The following SPAG16 variants were observed in gnomAD, a reference collection of about 807,000 sequenced individuals.
The protein encoded by SPAG16 is sperm associated antigen 16, also known as sperm-associated antigen 16 protein.
A neutral mutation model predicts 80.4 loss-of-function variants in SPAG16; 86 were observed. The ratio of observed to expected loss-of-function variants is 1.07; its 90% CI spans 0.90 to 1.28. The LOEUF (loss-of-function observed/expected upper bound fraction) is 1.28, where lower values mean the gene tolerates loss of function less well. Ranked by LOEUF, SPAG16 falls within the 50% of genes most tolerant of loss-of-function variation. SPAG16 has a pLI of 0.00. For missense variants in SPAG16, 870 were observed against 765.3 expected, an observed-to-expected ratio of 1.14 and a Z score of -1.61; for synonymous variants, 294 against 265.9, an observed-to-expected ratio of 1.11 and a Z score of -1.03.
chr2:213,661,073 A>G lies in SPAG16; in HGVS notation c.1070+170983A>G, dbSNP rs115066952. Among the ~76,000 whole-genome samples the G allele has an allele frequency of 7.6e-3, 1,154 of 152,284 alleles. 10 individuals carry two copies. The highest frequency in any genetic ancestry group is 0.01 in the Non-Finnish European group (696 of 68,016). Reference sequence around the variant, plus strand: ...TGGTGTTGGGTCTGGTCACTCCAACATATAGGTAGCCTTGGTCCATGGTGG... The same window carrying G: ...TGGTGTTGGGTCTGGTCACTCCAACGTATAGGTAGCCTTGGTCCATGGTGG... On this transcript the variant is annotated intron_variant, in intron 10 of 15. Transcript: ENST00000331683.
chr2:214,084,304 A>G (rs2051573590), intron 13 of SPAG16, among the ~76,000 whole-genome samples: 1 of 152,136 alleles, frequency 6.6e-6, no homozygotes, highest in Non-Finnish European at 1.5e-5. Context: ...GTCATAACAA[A>G]CAAAGCCAGG....
intron 10 of SPAG16, among the ~76,000 whole-genome samples, chr2:213,521,470 T>TC (rs1446020731): frequency 6.6e-6 from 1 of 152,168 alleles, no homozygotes; most frequent in Non-Finnish European, 1.5e-5. Flanking sequence ...AGAGCCTATC[T>TC]CCCCTGAGAG....
chr2:213,943,259 A>G (rs1457308593), intron 12 of SPAG16, among the ~76,000 whole-genome samples: 3 of 152,196 alleles, frequency 2.0e-5, no homozygotes, highest in African/African-American at 7.2e-5. Flanking sequence ...CTTTGGAAGT[A>G]GGTAATGGGT....
chr2:213,681,622 T>C (rs1401874662), intron 10 of SPAG16, among the ~76,000 whole-genome samples: 2 of 152,100 alleles, frequency 1.3e-5, no homozygotes, highest in Non-Finnish European at 2.9e-5. Context: ...CTAAAATAGA[T>C]GTGGAGACAC....
intron 10 of SPAG16, among the ~76,000 whole-genome samples, chr2:213,704,625 A>C (rs549769867): frequency 6.6e-6 from 1 of 151,980 alleles, no homozygotes; most frequent in Non-Finnish European, 1.5e-5. Context: ...TAAAAAAAAA[A>C]CCCTGAATAA....
intron 15 of SPAG16, among the ~76,000 whole-genome samples, chr2:214,354,086 T>A (rs1698602129): frequency 6.7e-6 from 1 of 150,142 alleles, no homozygotes; most frequent in African/African-American, 2.4e-5. Context: ...ACCCCATAAA[T>A]ATATATATGT....
chr2:213,824,567 TTTCTGC>T (rs1317714019), intron 10 of SPAG16, among the ~76,000 whole-genome samples: 3 of 152,212 alleles, frequency 2.0e-5, no homozygotes, highest in Non-Finnish European at 4.4e-5. Context: ...TATGTATTTG[TTTCTGC>T]ATTCTCTATT....
chr2:213,527,448 A>G (rs2075928226), intron 10 of SPAG16, among the ~76,000 whole-genome samples: 1 of 151,940 alleles, frequency 6.6e-6, no homozygotes, highest in Non-Finnish European at 1.5e-5. Flanking sequence ...CCTTATTGTC[A>G]TTTTAGCTGA....
At chr2:214,022,144 T>C (rs2047903044) in intron 13 of SPAG16, among the ~76,000 whole-genome samples, 2 of 152,166 alleles carry the variant, frequency 1.3e-5, no homozygotes, top group African/African-American at 4.8e-5. Context: ...GACATTTTTT[T>C]CTCCATAAAA....
chr2:214,294,160 G>A (rs915649957), intron 15 of SPAG16, among the ~76,000 whole-genome samples: 4 of 152,192 alleles, frequency 2.6e-5, no homozygotes, highest in Admixed American at 6.5e-5. Context: ...TCTCTTAAGC[G>A]GTGCCTCTGC....
At chr2:213,645,566 A>G (rs550951091) in intron 10 of SPAG16, among the ~76,000 whole-genome samples, 32 of 152,152 alleles carry the variant, frequency 2.1e-4, no homozygotes, top group Non-Finnish European at 4.3e-4. Context: ...TAGGGCCTGT[A>G]ACAGGGACCT....
intron 7 of SPAG16, among the ~76,000 whole-genome samples, chr2:213,357,955 G>A (rs1418963821): frequency 1.3e-5 from 2 of 152,130 alleles, no homozygotes; most frequent in Non-Finnish European, 2.9e-5. Context: ...AGGCCTGGTA[G>A]TAACAAAACC....
At chr2:214,111,716 G>T (rs1036614716) in intron 14 of SPAG16, among the ~76,000 whole-genome samples, 1 of 127,566 alleles carries the variant, frequency 7.8e-6, no homozygotes, top group Non-Finnish European at 1.7e-5. Context: ...AAATTACCTT[G>T]GGCAGTATGG....
Position 214,248,100 on chromosome 2 carries a change from G to A in SPAG16, c.1720+98834G>A, listed in dbSNP as rs115648797. Among the ~76,000 whole-genome samples the A allele has an allele frequency of 5.0e-3, 756 of 151,720 alleles. 5 individuals carry two copies. The highest frequency in any genetic ancestry group is 0.017 in the African/African-American group (716 of 41,372). On this transcript the variant is annotated intron_variant, in intron 15 of 15. Coordinates refer to ENST00000331683, the MANE Select transcript of SPAG16 (RefSeq NM_024532.5). ...TTAAAATTAAAAAACACAAAATAGA[G>A]CAATCTCTAGTTCAGATATAAAAGT...
intron 10 of SPAG16, among the ~76,000 whole-genome samples, chr2:213,616,818 T>A (rs1421587728): frequency 6.6e-6 from 1 of 152,212 alleles, no homozygotes; most frequent in East Asian, 1.9e-4. Flanking sequence ...TAGGGTACTC[T>A]GGCTAATTTA....
At chr2:214,266,919 A>T (rs1250565929) in intron 15 of SPAG16, among the ~76,000 whole-genome samples, 1 of 151,746 alleles carries the variant, frequency 6.6e-6, no homozygotes, top group Non-Finnish European at 1.5e-5. Flanking sequence ...ACCATAAAAC[A>T]TTGATGAAAA....
intron 15 of SPAG16, among the ~76,000 whole-genome samples, chr2:214,333,561 CA>C (rs1697077244): frequency 6.6e-6 from 1 of 152,216 alleles, no homozygotes; most frequent in South Asian, 2.1e-4. Flanking sequence ...ACTACCTTCC[CA>C]GTGTCATTGG....
At chr2:213,351,876 G>C (rs2065347216) in intron 7 of SPAG16, among the ~76,000 whole-genome samples, 1 of 151,906 alleles carries the variant, frequency 6.6e-6, no homozygotes, top group Non-Finnish European at 1.5e-5. Flanking sequence ...AATATGATTT[G>C]GCTGTGTCCC....
chr2:214,383,587 GAAAAA>G (rs112485531), intron 15 of SPAG16, among the ~76,000 whole-genome samples: 1 of 145,344 alleles, frequency 6.9e-6, no homozygotes, highest in East Asian at 2.0e-4. Flanking sequence ...AAAGAAAAAA[GAAAAA>G]AAAAGACATA....
Sources: allele counts gnomAD v4.1 joint callset (sites outside exome capture counted in the v4.1 genomes callset), GRCh38; gene constraint gnomAD v4.1.1; transcripts MANE v1.5; gene names NCBI Gene and HGNC (gene_info 2026-07-23, HGNC 2026-07-21).